Variants in MKX observed in about 807,000 individuals in gnomAD.
The protein encoded by MKX is mohawk homeobox.
Under a neutral mutation model 36.0 loss-of-function variants are expected in MKX, and 13 were observed. That is an observed-to-expected ratio of 0.36 (90% CI 0.24 to 0.57). The LOEUF (loss-of-function observed/expected upper bound fraction) is 0.57, where lower values mean the gene tolerates loss of function less well. Among genes scored for constraint, MKX ranks in the 20% least tolerant of loss-of-function variants. The pLI, the probability that MKX is intolerant of heterozygous loss-of-function variation, is 0.79. For synonymous variants in MKX, 176 were observed against 178.3 expected, an observed-to-expected ratio of 0.99 and a Z score of 0.10; for missense variants, 458 against 456.4, an observed-to-expected ratio of 1.00 and a Z score of -0.03.
chr10:27,701,959 C>T (rs375445504), intron 5 of MKX, among the ~76,000 whole-genome samples: 28 of 151,902 alleles, frequency 1.8e-4, no homozygotes, highest in African/African-American at 6.8e-4. Flanking sequence ...GGTCAGTAAG[C>T]TAATCCACAG....
chr10:27,718,003 T>C (rs543091434), intron 5 of MKX, among the ~76,000 whole-genome samples: 22 of 152,348 alleles, frequency 1.4e-4, no homozygotes, highest in African/African-American at 4.3e-4. Flanking sequence ...GTAAGCATCA[T>C]AGTTTCCTCC....
Position 27,675,282 on chromosome 10 carries a change from A to G in MKX, c.1006T>C (p.Ser336Pro). The change falls in exon 7 of 7, where the codon TCC (serine) becomes CCC (proline). Residue 336 changes from serine (S) to proline (P), a missense_variant. Ser to Pro is a moderately conservative substitution (Grantham distance 74). Coordinates refer to ENST00000419761, the MANE Select transcript of MKX (RefSeq NM_173576.3). ...ACAGTCTTTACTTCTGCTATATGGGACGACTTCTGGATGATGCAGCTGGTA... is the reference window on the plus strand; with the variant it reads ...ACAGTCTTTACTTCTGCTATATGGGGCGACTTCTGGATGATGCAGCTGGTA... ...GTTSCIIQKS[S>P]HIAEVKTVKV... is the part of the protein sequence containing the mutation. 1 of 1,614,098 alleles carries G rather than the reference A, an allele frequency of 6.2e-7. No individual in the cohort carries two copies. Among genetic ancestry groups the G allele is most frequent in the South Asian group, 1.1e-5 (1 of 91,072 alleles).
rs1459507259 is a variant in MKX at position 27,741,510 on chromosome 10, A to ACATG, written c.189-10_189-7dup. On this transcript the variant is annotated splice_polypyrimidine_tract_variant and splice_region_variant and intron_variant, in intron 2 of 6. Transcript: ENST00000419761. The surrounding 1 kb of genome is among the most constrained non-coding windows in gnomAD (Gnocchi z 5.1). ...TCCCGCCATTCTGCCGGGCGCTGGG[A>ACATG]CATGGGGAGAGGAGGCGGCCCTGGT... The ACATG allele has an allele frequency of 7.6e-6, 12 of 1,584,004 alleles. No individual in the cohort carries two copies. Among genetic ancestry groups the ACATG allele is most frequent in the Non-Finnish European group, 1.0e-5 (12 of 1,168,202 alleles).
At chr10:27,743,988 AAGACCCCC>A (rs1406474690) in intron 1 of MKX, among the ~76,000 whole-genome samples, 1 of 151,980 alleles carries the variant, frequency 6.6e-6, no homozygotes. Context: ...CCGTATCCAC[AAGACCCCC>A]CAGCTCATGA....
intron 5 of MKX, among the ~76,000 whole-genome samples, chr10:27,714,262 T>C (rs1836924562): frequency 6.6e-6 from 1 of 152,172 alleles, no homozygotes; most frequent in Non-Finnish European, 1.5e-5. Flanking sequence ...ATAAAATGTA[T>C]GTAGAGCAGC....
At chr10:27,685,508 G>A (rs1282913125) in intron 5 of MKX, among the ~76,000 whole-genome samples, 2 of 149,612 alleles carry the variant, frequency 1.3e-5, no homozygotes, top group Non-Finnish European at 3.0e-5. Context: ...GAGTGCTGTG[G>A]CACGATCTCG....
At chr10:27,691,204 G>A (rs1236104555) in intron 5 of MKX, among the ~76,000 whole-genome samples, 1 of 152,152 alleles carries the variant, frequency 6.6e-6, no homozygotes, top group Non-Finnish European at 1.5e-5. Flanking sequence ...CTAGAGAAGA[G>A]AATGAAATTG....
chr10:27,693,367 G>A (rs2815565), intron 5 of MKX, among the ~76,000 whole-genome samples: 122,204 of 152,110 alleles, frequency 0.8, 49,156 homozygotes, highest in Admixed American at 0.84. Flanking sequence ...GCATCACCAG[G>A]CATTCAAACT....
chr10:27,692,033 T>G (rs1836463853), intron 5 of MKX, among the ~76,000 whole-genome samples: 1 of 152,240 alleles, frequency 6.6e-6, no homozygotes, highest in South Asian at 2.1e-4. Flanking sequence ...TGTGTCTTTT[T>G]GGTCGAATGA....
At chr10:27,700,314 C>A (rs1836628084) in intron 5 of MKX, among the ~76,000 whole-genome samples, 1 of 152,162 alleles carries the variant, frequency 6.6e-6, no homozygotes, top group Non-Finnish European at 1.5e-5. Flanking sequence ...TTTCTGTAAA[C>A]AAACTGTCAC....
At chr10:27,688,798 T>C (rs892825698) in intron 5 of MKX, among the ~76,000 whole-genome samples, 9 of 152,230 alleles carry the variant, frequency 5.9e-5, no homozygotes, top group African/African-American at 2.2e-4. Flanking sequence ...TTCAGTTCTA[T>C]ATAGCCCAAG....
intron 5 of MKX, among the ~76,000 whole-genome samples, chr10:27,682,808 G>A (rs929474492): frequency 2.0e-5 from 3 of 151,884 alleles, no homozygotes; most frequent in Admixed American, 6.6e-5. Context: ...GTGAAACCCC[G>A]TCTCTACTAA....
intron 5 of MKX, among the ~76,000 whole-genome samples, chr10:27,685,279 C>T (rs1589654596): frequency 6.6e-6 from 1 of 152,236 alleles, no homozygotes; most frequent in African/African-American, 2.4e-5. Context: ...ATGGATTAAA[C>T]TTTTCTCTGT....
intron 5 of MKX, among the ~76,000 whole-genome samples, chr10:27,722,736 CT>C (rs1174581582): frequency 4.6e-5 from 7 of 152,128 alleles, no homozygotes; most frequent in Non-Finnish European, 1.0e-4. Flanking sequence ...GGAGTGGGGA[CT>C]TTACTATAAT....
At chr10:27,695,513 G>A (rs1836538970) in intron 5 of MKX, among the ~76,000 whole-genome samples, 2 of 152,124 alleles carry the variant, frequency 1.3e-5, no homozygotes, top group African/African-American at 4.8e-5. Flanking sequence ...CTTAATTTAG[G>A]AGGTTTATAA....
chr10:27,708,210 G>T (rs547642053), intron 5 of MKX, among the ~76,000 whole-genome samples: 1 of 152,150 alleles, frequency 6.6e-6, no homozygotes, highest in African/African-American at 2.4e-5. Flanking sequence ...GCTGGCCGTA[G>T]AGAACTCAGA....
At chr10:27,725,338 A>G (rs1834465682) in intron 5 of MKX, among the ~76,000 whole-genome samples, 1 of 152,202 alleles carries the variant, frequency 6.6e-6, no homozygotes, top group Admixed American at 6.5e-5. Context: ...TTCATTACGC[A>G]GCTGTTATTT....
chr10:27,693,452 T>A (rs1466031937), intron 5 of MKX, among the ~76,000 whole-genome samples: 1 of 151,992 alleles, frequency 6.6e-6, no homozygotes, highest in Non-Finnish European at 1.5e-5. Flanking sequence ...ACCATGATGA[T>A]CTTAGGTTTA....
At chr10:27,688,198 A>C (rs1269848621) in intron 5 of MKX, among the ~76,000 whole-genome samples, 5 of 152,138 alleles carry the variant, frequency 3.3e-5, no homozygotes, top group Non-Finnish European at 7.4e-5. Context: ...AAAAAAAAAA[A>C]AGAAAGAAAA....
Sources: allele counts gnomAD v4.1 joint callset (sites outside exome capture counted in the v4.1 genomes callset), GRCh38; gene constraint gnomAD v4.1.1; non-coding constraint Gnocchi (gnomAD v3.1); transcripts MANE v1.5; gene names NCBI Gene and HGNC (gene_info 2026-07-23, HGNC 2026-07-21).